The following CHAF1A variants were observed in gnomAD, a reference collection of about 807,000 sequenced individuals.
The protein encoded by CHAF1A is CAF-1 subunit A.
CHAF1A carries 5 observed loss-of-function variants against 93.2 expected under a neutral mutation model. The ratio of observed to expected loss-of-function variants is 0.05; its 90% CI spans 0.03 to 0.11. CHAF1A has a LOEUF of 0.11. Among genes scored for constraint, CHAF1A ranks in the 10% least tolerant of loss-of-function variants. The pLI is 1.00. For missense variants in CHAF1A, 1,102 were observed against 1,259.9 expected, an observed-to-expected ratio of 0.87 and a Z score of 1.90; for synonymous variants, 504 against 510.3, an observed-to-expected ratio of 0.99 and a Z score of 0.17.
At chr19:4,428,551 C>G (rs930968724) in intron 7 of CHAF1A, 113 bp from the exon 8 acceptor site, 5 of 892,618 alleles carry the variant, frequency 5.6e-6, no homozygotes. Flanking sequence ...GCTTTTGAGT[C>G]TGTGCCTTGG....
downstream of CHAF1A, chr19:4,448,506 G>C (rs1381090317): frequency 9.4e-7 from 1 of 1,067,038 alleles, no homozygotes; most frequent in Non-Finnish European, 1.4e-6. Context: ...GAAAAGGAAG[G>C]CAGAACAGCG....
intron 13 of CHAF1A, among the ~76,000 whole-genome samples, chr19:4,434,497 G>A (rs1599660544): frequency 1.3e-5 from 2 of 152,198 alleles, no homozygotes; most frequent in Middle Eastern, 3.4e-3. Flanking sequence ...CCACTGAAAG[G>A]CCCCTGTGCT....
At chr19:4,445,717 G>A, downstream of CHAF1A, 2 of 1,536,322 alleles carry the variant, frequency 1.3e-6, no homozygotes, top group East Asian at 2.3e-5. Context: ...GGATGCCCCG[G>A]CCTGGAAGCC....
At chr19:4,446,346 C>T (rs1286182381), downstream of CHAF1A, 4 of 1,570,596 alleles carry the variant, frequency 2.5e-6, no homozygotes, top group South Asian at 3.4e-5. Flanking sequence ...TTGCGCAGCC[C>T]CCGCTGCTCC....
intron 1 of CHAF1A, among the ~76,000 whole-genome samples, chr19:4,404,984 T>C (rs988621602): frequency 1.3e-5 from 2 of 152,158 alleles, no homozygotes; most frequent in Non-Finnish European, 2.9e-5. Flanking sequence ...AAAGGATCCC[T>C]TTTCTGATTT....
intron 12 of CHAF1A, 100 bp from the exon 13 acceptor site, chr19:4,432,970 A>G: frequency 2.0e-6 from 2 of 993,414 alleles, no homozygotes. Context: ...CCATGCCCCA[A>G]GCCTCGGTGG....
At chr19:4,430,228 AGTGCAGTG>A (rs1196612295) in intron 10 of CHAF1A, 45 of 356,940 alleles carry the variant, frequency 1.3e-4, no homozygotes, top group Admixed American at 1.3e-4. Context: ...CTCAGGCTGG[AGTGCAGTG>A]GCGCGATTTC....
At chr19:4,411,557 C>A (rs527411515) in intron 3 of CHAF1A, among the ~76,000 whole-genome samples, 1 of 148,032 alleles carries the variant, frequency 6.8e-6, no homozygotes, top group Admixed American at 6.8e-5. Context: ...TGAATGACTT[C>A]ATTTCTTGTC....
intron 3 of CHAF1A, among the ~76,000 whole-genome samples, chr19:4,412,658 A>G (rs1216125266): frequency 6.6e-6 from 1 of 152,204 alleles, no homozygotes; most frequent in Non-Finnish European, 1.5e-5. Flanking sequence ...TGGTGGCACA[A>G]TCCTGCCCGC....
At position 4,433,824 on chromosome 19, in the gene CHAF1A, A is replaced by C. The variant is rs964355775; in HGVS notation, c.2673+285A>C. ...ACCATGTTGGTCAGGCTGGTCTCGA[A>C]CTCCTGACCTCATGATCCGTCTGCC... On this transcript the variant is annotated intron_variant, in intron 13 of 14. Transcript: ENST00000301280. This position sits in a 1 kb window ranked among gnomAD's most constrained non-coding sequence, Gnocchi z 5.6. Among the ~76,000 whole-genome samples, 1 of 150,250 alleles carries C rather than the reference A, an allele frequency of 6.7e-6. No individual in the cohort carries two copies. The highest frequency in any genetic ancestry group is 1.5e-5 in the Non-Finnish European group (1 of 67,510).
At chr19:4,434,642 G>C (rs567752015) in intron 13 of CHAF1A, among the ~76,000 whole-genome samples, 2 of 151,984 alleles carry the variant, frequency 1.3e-5, no homozygotes, top group South Asian at 4.2e-4. Flanking sequence ...GTTCCTCCGT[G>C]TCTGTTTGTG....
intron 2 of CHAF1A, among the ~76,000 whole-genome samples, chr19:4,406,510 C>T (rs1973683733): frequency 1.3e-5 from 2 of 150,720 alleles, no homozygotes. Flanking sequence ...TCTCTGCTCA[C>T]TGCAACCTCC....
Position 4,402,761 on chromosome 19 carries a change from C to T in CHAF1A, c.-2C>T, listed in dbSNP as rs887825603. 1.6e-5 allele frequency: 19 copies of T among 1,203,040 alleles called. No homozygotes were observed. The African/African-American group carries it at 2.5e-4, about 16-fold the overall frequency. The allele number at this position is 1,203,040 out of a possible 1,614,324, so 74.5% of individuals were successfully genotyped here. On this transcript the variant is annotated 5_prime_UTR_variant, in exon 1 of 15. Coordinates refer to ENST00000301280, the MANE Select transcript of CHAF1A (RefSeq NM_005483.3). ...AGAGGAGGTCGAGCTGCCGCCGGGGCGATGCTGGAGGAGCTGGAGTGCGGG... is the reference window on the plus strand; with the variant it reads ...AGAGGAGGTCGAGCTGCCGCCGGGGTGATGCTGGAGGAGCTGGAGTGCGGG...
At position 4,423,884 on chromosome 19, in the gene CHAF1A, C is replaced by A. The variant is rs368828458; in HGVS notation, c.1377+10C>A. ...TCCACAGGCCCCCAAGGTGAGCAGC[C>A]GGCTGCCTTTGCTTTTGGGTTTCAG... On this transcript the variant is annotated intron_variant, in intron 7 of 14. Transcript: ENST00000301280. 7 of 1,613,678 alleles carry A rather than the reference C, an allele frequency of 4.3e-6. No individual in the cohort carries two copies. Among genetic ancestry groups the A allele is most frequent in the Non-Finnish European group, 5.9e-6 (7 of 1,179,644 alleles).
At chr19:4,446,484 C>A (rs368745334), downstream of CHAF1A, 116 of 1,599,970 alleles carry the variant, frequency 7.3e-5, no homozygotes, top group Non-Finnish European at 3.5e-5. Flanking sequence ...CTCTGCTCCG[C>A]GGACGTCAGG....
At chr19:4,427,968 C>T (rs1974115168) in intron 7 of CHAF1A, among the ~76,000 whole-genome samples, 1 of 152,236 alleles carries the variant, frequency 6.6e-6, no homozygotes, top group Admixed American at 6.5e-5. Context: ...AGGTGATCCG[C>T]CCTCCTCAGC....
intron 3 of CHAF1A, among the ~76,000 whole-genome samples, chr19:4,413,076 T>C (rs1346786682): frequency 6.6e-6 from 1 of 152,104 alleles, no homozygotes; most frequent in Non-Finnish European, 1.5e-5. Context: ...CTCTTTTTTA[T>C]TTTTTATTTT....
downstream of CHAF1A, chr19:4,448,784 C>T (rs932315869): frequency 5.2e-5 from 13 of 252,270 alleles, no homozygotes; most frequent in Admixed American, 5.5e-4. Flanking sequence ...CCTCCCGCCA[C>T]CATGGACGCC....
downstream of CHAF1A, chr19:4,446,597 G>C (rs534985329): frequency 6.2e-7 from 1 of 1,612,620 alleles, no homozygotes; most frequent in Non-Finnish European, 8.5e-7. Flanking sequence ...TGGAAGACGC[G>C]GCGCTGCCTG....
Sources: gnomAD v4.1 joint callset for allele counts (sites outside exome capture counted in the v4.1 genomes callset) on GRCh38, gnomAD v4.1.1 for gene constraint, Gnocchi (gnomAD v3.1) non-coding constraint, MANE v1.5 for transcripts, NCBI Gene and HGNC (gene_info 2026-07-23, HGNC 2026-07-21) for gene names.